JMJD1C: variants seen among roughly 807,000 people sequenced by gnomAD.
JMJD1C encodes the protein jumonji domain containing 1C.
JMJD1C carries 31 observed loss-of-function variants against 245.3 expected under a neutral mutation model. That is an observed-to-expected ratio of 0.13 (90% CI 0.09 to 0.17). JMJD1C has a LOEUF of 0.17. JMJD1C is among the 10% of genes least tolerant of loss of function. The pLI is 1.00. For missense variants in JMJD1C, 2,691 were observed against 3,000.2 expected (o/e 0.90, Z 2.41); for synonymous variants, 1,057 against 1,017.4 (o/e 1.04, Z -0.74).
chr10:63,521,142 G>C (rs1955209394), intron 1 of JMJD1C, among the ~76,000 whole-genome samples: 1 of 152,172 alleles, frequency 6.6e-6, no homozygotes, highest in African/African-American at 2.4e-5. Flanking sequence ...AAAGAGCTAA[G>C]GAGGGTAAGG....
At chr10:63,335,855 TCACGCCTGTAATCCCAG>T (rs1205108433) in intron 2 of JMJD1C, among the ~76,000 whole-genome samples, 3 of 149,858 alleles carry the variant, frequency 2.0e-5, no homozygotes, top group Admixed American at 6.6e-5. Context: ...GCACCGTGGC[TCACGCCTGTAATCCCAG>T]CACTTTGGGA....
chr10:63,294,586 A>G (rs1449485011), intron 2 of JMJD1C, among the ~76,000 whole-genome samples: 1 of 152,148 alleles, frequency 6.6e-6, no homozygotes, highest in Non-Finnish European at 1.5e-5. Flanking sequence ...ACCCTGGTCA[A>G]TCTTTCCAAG....
At chr10:63,369,082 TTTTCTTCCTC>T (rs1564841567) in intron 2 of JMJD1C, among the ~76,000 whole-genome samples, 1 of 151,734 alleles carries the variant, frequency 6.6e-6, no homozygotes, top group Admixed American at 6.6e-5. Context: ...ATCAACTAAT[TTTTCTTCCTC>T]TTTCTTTCTT....
rs35450282 is a variant in JMJD1C, at chr10:63,385,416, C to CTTTT, written c.169-4938_169-4935dup. Among the ~76,000 whole-genome samples the CTTTT allele has an allele frequency of 1.5e-3, 80 of 53,774 alleles. 7 individuals carry two copies. The highest frequency in any genetic ancestry group is 2.2e-3 in the Admixed American group (6 of 2,678). 35.3% of individuals were successfully genotyped at this position (53,774 alleles called of 152,430 possible). On this transcript the variant is annotated intron_variant, in intron 1 of 25. Coordinates refer to ENST00000399262, the MANE Select transcript of JMJD1C (RefSeq NM_032776.3). ...AATCCCATGCCTTCCCTGCCCCCGCCTTTTTTTTTTTTTTTTTTTTTTTTT... is the reference window on the plus strand; with the variant it reads ...AATCCCATGCCTTCCCTGCCCCCGCCTTTTTTTTTTTTTTTTTTTTTTTTTTTTT...
intron 2 of JMJD1C, among the ~76,000 whole-genome samples, chr10:63,378,449 G>A (rs1002245744): frequency 2.6e-5 from 4 of 151,954 alleles, no homozygotes; most frequent in Non-Finnish European, 5.9e-5. Context: ...AAAATTAACC[G>A]GGCGTGGTGG....
At chr10:63,452,782 C>T (rs868543452) in intron 1 of JMJD1C, among the ~76,000 whole-genome samples, 83 of 152,012 alleles carry the variant, frequency 5.5e-4, no homozygotes, top group African/African-American at 1.9e-3. Context: ...ACAGATAAAC[C>T]TTGACATTAT....
At chr10:63,184,768 A>T (rs1843916231) in intron 20 of JMJD1C, 30 bp from the exon 21 acceptor site, 1 of 1,583,526 alleles carries the variant, frequency 6.3e-7, no homozygotes, top group Non-Finnish European at 8.6e-7. Context: ...CCTTCTTATA[A>T]ATAAAGATTT....
chr10:63,305,323 A>C (rs1937891365), intron 2 of JMJD1C, among the ~76,000 whole-genome samples: 1 of 150,148 alleles, frequency 6.7e-6, no homozygotes, highest in Non-Finnish European at 1.5e-5. Context: ...AGCCAAGATC[A>C]TACCACTGCA....
intron 2 of JMJD1C, among the ~76,000 whole-genome samples, chr10:63,278,050 A>G (rs768990303): frequency 5.3e-5 from 8 of 150,522 alleles, no homozygotes; most frequent in Non-Finnish European, 1.0e-4. Context: ...TAATAAAAAC[A>G]AAAGTTATTA....
At chr10:63,375,065 G>A (rs374660186) in intron 2 of JMJD1C, among the ~76,000 whole-genome samples, 7 of 151,994 alleles carry the variant, frequency 4.6e-5, no homozygotes, top group African/African-American at 1.7e-4. Flanking sequence ...GAGTGGACAT[G>A]GCAAAAGCAG....
intron 3 of JMJD1C, among the ~76,000 whole-genome samples, chr10:63,257,241 A>AAAG (rs1854089452): frequency 6.6e-6 from 1 of 151,578 alleles, no homozygotes; most frequent in Non-Finnish European, 1.5e-5. Flanking sequence ...AAAAAAAAAA[A>AAAG]AAAGAAAGAA....
At chr10:63,387,628 A>ACTTTTTTTTTTTTT (rs1564863555) in intron 1 of JMJD1C, among the ~76,000 whole-genome samples, 1 of 18,526 alleles carries the variant, frequency 5.4e-5, no homozygotes. Context: ...AGAAAAAAAA[A>ACTTTTTTTTTTTTT]ATTTTTTTTT....
intron 1 of JMJD1C, among the ~76,000 whole-genome samples, chr10:63,438,284 AC>A (rs1214979085): frequency 2.0e-5 from 3 of 152,136 alleles, no homozygotes; most frequent in African/African-American, 7.2e-5. Flanking sequence ...CCCATCTTAA[AC>A]CCTGTCTCTC....
chr10:63,459,846 G>A (rs1318086239), intron 1 of JMJD1C, among the ~76,000 whole-genome samples: 1 of 152,118 alleles, frequency 6.6e-6, no homozygotes, highest in Non-Finnish European at 1.5e-5. Context: ...CTCCCAAAAT[G>A]AAAACTCCAT....
At chr10:63,325,436 CTCAA>C (rs796737409) in intron 2 of JMJD1C, among the ~76,000 whole-genome samples, 5 of 152,204 alleles carry the variant, frequency 3.3e-5, no homozygotes, top group African/African-American at 1.2e-4. Context: ...AATCTCCGCG[CTCAA>C]TCAATTTTTA....
Position 63,215,491 on chromosome 10 carries a change from C to T in JMJD1C, c.823-36G>A, listed in dbSNP as rs141354106. 975 of 1,612,054 alleles carry T rather than the reference C, an allele frequency of 6.0e-4. 6 individuals carry two copies. In the African/African-American group the frequency reaches 0.012, roughly 20 times the overall value. On this transcript the variant is annotated intron_variant, in intron 6 of 25. Transcript: ENST00000399262. Reference sequence around the variant, plus strand: ...CCAATTAACAGTAATTGTTTACTACCTGGTTTCTACTAGCCTAAGGAAAAA... The same window carrying T: ...CCAATTAACAGTAATTGTTTACTACTTGGTTTCTACTAGCCTAAGGAAAAA...
In JMJD1C at chr10:63,380,408, G is replaced by C; in HGVS notation, c.243C>G (p.Phe81Leu). The C allele has an allele frequency of 6.2e-7, 1 of 1,613,884 alleles. No individual in the cohort carries two copies. The highest frequency in any genetic ancestry group is 8.5e-7 in the Non-Finnish European group (1 of 1,179,882). Residue 81 changes from phenylalanine to leucine, a missense_variant, in exon 2 of 26, where the codon TTC (phenylalanine) becomes TTG (leucine). Phe to Leu is a conservative substitution (Grantham distance 22, BLOSUM62 0). Transcript: ENST00000399262. ...CCCAGATTAAGTGGTATTCCACCAA[G>C]AAAGTTGAAAAATCTTCATAAACTT... ...WVKVYEDFST[F>L]LVEYHLIWAK... is the part of the protein sequence containing the mutation.
intron 16 of JMJD1C, among the ~76,000 whole-genome samples, chr10:63,192,614 A>G (rs994501270): frequency 3.9e-5 from 6 of 152,196 alleles, no homozygotes; most frequent in Non-Finnish European, 8.8e-5. Context: ...ACATGTCTGT[A>G]GTATCAGCTA....
chr10:63,216,686 G>A (rs1009602920), intron 5 of JMJD1C, among the ~76,000 whole-genome samples: 2 of 151,934 alleles, frequency 1.3e-5, no homozygotes, highest in Admixed American at 1.3e-4. Flanking sequence ...CTCCAGCCTG[G>A]GCGACAGAGC....
Sources: gnomAD v4.1 joint callset for allele counts (sites outside exome capture counted in the v4.1 genomes callset) on GRCh38, gnomAD v4.1.1 for gene constraint, MANE v1.5 for transcripts, NCBI Gene and HGNC (gene_info 2026-07-23, HGNC 2026-07-21) for gene names.